The following ZSWIM6 variants were observed in gnomAD, a reference collection of about 807,000 sequenced individuals.
ZSWIM6 encodes the protein zinc finger SWIM domain-containing protein 6.
ZSWIM6 carries 9 observed loss-of-function variants against 113.2 expected under a neutral mutation model. The observed-to-expected ratio is 0.08, with a 90% confidence interval of 0.05 to 0.14. The LOEUF (loss-of-function observed/expected upper bound fraction) is 0.14, where lower values mean the gene tolerates loss of function less well. ZSWIM6 is among the 10% of genes least tolerant of loss of function. ZSWIM6 has a pLI of 1.00. For missense variants in ZSWIM6, 1,162 were observed against 1,552.2 expected (o/e 0.75, Z 4.22); for synonymous variants, 611 against 606.5 (o/e 1.01, Z -0.11).
chr5:61,483,913 A>G (rs1200840519), intron 2 of ZSWIM6, among the ~76,000 whole-genome samples: 2 of 150,902 alleles, frequency 1.3e-5, no homozygotes, highest in African/African-American at 4.8e-5. Context: ...TAAAATAAAT[A>G]TATATATAAA....
intron 1 of ZSWIM6, among the ~76,000 whole-genome samples, chr5:61,445,919 C>T (rs991435440): frequency 6.6e-6 from 1 of 152,054 alleles, no homozygotes; most frequent in South Asian, 2.1e-4. Flanking sequence ...TATTTAAATC[C>T]ACCAGTAACA....
chr5:61,482,969 A>G (rs893529208), intron 2 of ZSWIM6, among the ~76,000 whole-genome samples: 10 of 152,158 alleles, frequency 6.6e-5, no homozygotes, highest in African/African-American at 2.4e-4. Flanking sequence ...AGTTAATTCT[A>G]ATACTAGCTT....
chr5:61,473,735 T>TAA (rs1747637895), intron 2 of ZSWIM6, among the ~76,000 whole-genome samples: 1 of 152,206 alleles, frequency 6.6e-6, no homozygotes, highest in South Asian at 2.1e-4. Context: ...CTTGTGCTTT[T>TAA]AAAACATTTG....
At chr5:61,352,122 G>C (rs1003627912) in intron 1 of ZSWIM6, among the ~76,000 whole-genome samples, 1 of 152,162 alleles carries the variant, frequency 6.6e-6, no homozygotes, top group African/African-American at 2.4e-5. Context: ...ATGTGTCTAG[G>C]CTGCCCTGCT....
intron 1 of ZSWIM6, among the ~76,000 whole-genome samples, chr5:61,440,360 TAAAAAAAAA>T (rs11356012): frequency 8.8e-6 from 1 of 113,094 alleles, no homozygotes; most frequent in Non-Finnish European, 1.8e-5. Flanking sequence ...TTCATTGGTG[TAAAAAAAAA>T]AAAAAAAAAA....
In ZSWIM6 at chr5:61,494,342, G is replaced by C; in HGVS notation, c.1265G>C (p.Arg422Pro). 6.4e-7 allele frequency: 1 copy of C among 1,551,110 alleles called. No individual in the cohort carries two copies. Among genetic ancestry groups the C allele is most frequent in the South Asian group, 1.2e-5 (1 of 84,050 alleles). The change falls in exon 4 of 14, where the codon CGC becomes CCC. Residue 422 changes from arginine (R) to proline (P), a missense_variant. By Grantham distance (103) the Arg-to-Pro change is moderately radical. Coordinates refer to ENST00000252744, the MANE Select transcript of ZSWIM6 (RefSeq NM_020928.2). ...ACAGAGCAATTCATGGCTGACCCTC[G>C]CCTGTCACTTTGGCGGCAACAAGGC... ...LITEQFMADPRLSLWRQQGTA... is the reference protein window; with the variant it reads ...LITEQFMADPPLSLWRQQGTA...
At chr5:61,337,274 G>A (rs1479302405) in intron 1 of ZSWIM6, among the ~76,000 whole-genome samples, 1 of 139,784 alleles carries the variant, frequency 7.2e-6, no homozygotes, top group South Asian at 2.4e-4. Context: ...GCGAGATTCC[G>A]TCTCCCCCCC....
chr5:61,343,168 G>C (rs558560228), intron 1 of ZSWIM6, among the ~76,000 whole-genome samples: 1 of 152,310 alleles, frequency 6.6e-6, no homozygotes, highest in Admixed American at 6.5e-5. Context: ...GGTTTTATCT[G>C]TGCAATTCCT....
chr5:61,458,809 C>T (rs985385901), intron 1 of ZSWIM6, among the ~76,000 whole-genome samples: 1 of 149,190 alleles, frequency 6.7e-6, no homozygotes, highest in Non-Finnish European at 1.5e-5. Context: ...ACCCATGAGG[C>T]GGGGGCTACA....
chr5:61,401,109 C>G (rs1240632137), intron 1 of ZSWIM6, among the ~76,000 whole-genome samples: 1 of 151,956 alleles, frequency 6.6e-6, no homozygotes, highest in Non-Finnish European at 1.5e-5. Context: ...ATTATGTTCT[C>G]GTTAGCTTTT....
chr5:61,530,243 C>G, intron 8 of ZSWIM6, 45 bp downstream of exon 8: 1 of 1,508,748 alleles, frequency 6.6e-7, no homozygotes, highest in Non-Finnish European at 8.9e-7. Context: ...TTTTTCTAAA[C>G]CCTGAATGGC....
chr5:61,470,117 G>T lies in ZSWIM6; in HGVS notation c.677-2564G>T, dbSNP rs1308578318. On this transcript the variant is annotated intron_variant, in intron 1 of 13. Coordinates refer to ENST00000252744, the MANE Select transcript of ZSWIM6 (RefSeq NM_020928.2). Reference sequence around the variant, plus strand: ...ATTGTCTTGGCTTTGCCTGTAATTAGAATAGTTCTCCATCTTCAAGGTGTG... The same window carrying T: ...ATTGTCTTGGCTTTGCCTGTAATTATAATAGTTCTCCATCTTCAAGGTGTG... Among the ~76,000 whole-genome samples, 3 of 152,296 alleles carry T rather than the reference G, an allele frequency of 2.0e-5. No individual in the cohort carries two copies. In the South Asian group the frequency reaches 6.2e-4, roughly 32 times the overall value.
At chr5:61,509,721 A>G (rs1748728496) in intron 4 of ZSWIM6, among the ~76,000 whole-genome samples, 1 of 152,192 alleles carries the variant, frequency 6.6e-6, no homozygotes, top group Non-Finnish European at 1.5e-5. Context: ...GAAAAGGAGA[A>G]ATTGAAATGT....
chr5:61,484,495 A>G (rs1747962799), intron 2 of ZSWIM6, among the ~76,000 whole-genome samples: 1 of 152,216 alleles, frequency 6.6e-6, no homozygotes, highest in South Asian at 2.1e-4. Flanking sequence ...GTTGGGAAGA[A>G]TTTAAAAATA....
intron 1 of ZSWIM6, among the ~76,000 whole-genome samples, chr5:61,363,923 C>T (rs1447532424): frequency 1.3e-5 from 2 of 148,840 alleles, no homozygotes; most frequent in Non-Finnish European, 3.0e-5. Context: ...CATTCTTCCT[C>T]CCTCCCTCTT....
In ZSWIM6 at chr5:61,332,931, A is replaced by T; in HGVS notation, c.659A>T (p.Asp220Val). ...GIALLESGCV[D>V]NVLQVGFHLS... The stretch of plus-strand genomic sequence containing the variant: ...GCGCTGTTGGAAAGCGGCTGCGTAG[A>T]CAACGTCCTGCAAGTCGGTGAGTCA... The change falls in exon 1 of 14, where the codon GAC becomes GTC. Residue 220 changes from aspartate (D) to valine (V), a missense_variant. Asp to Val is a radical substitution (Grantham distance 152). This residue lies in a region of ZSWIM6 where 333 missense variants were observed against 293.4 expected (regional missense o/e 1.13). Coordinates refer to ENST00000252744, the MANE Select transcript of ZSWIM6 (RefSeq NM_020928.2). The T allele has an allele frequency of 1.5e-6, 2 of 1,341,442 alleles. No individual in the cohort carries two copies. Among genetic ancestry groups the T allele is most frequent in the Non-Finnish European group, 1.9e-6 (2 of 1,034,488 alleles). The allele number at this position is 1,341,442 out of a possible 1,614,324, so 83.1% of individuals were successfully genotyped here.
intron 1 of ZSWIM6, among the ~76,000 whole-genome samples, chr5:61,419,696 C>G (rs1388756084): frequency 1.3e-5 from 2 of 152,176 alleles, no homozygotes; most frequent in African/African-American, 2.4e-5. Context: ...CAGCACTGGT[C>G]TAGAATATCA....
chr5:61,417,070 A>G (rs1213307399), intron 1 of ZSWIM6, among the ~76,000 whole-genome samples: 1 of 151,978 alleles, frequency 6.6e-6, no homozygotes, highest in Non-Finnish European at 1.5e-5. Context: ...TGAACCCGGG[A>G]GGTGGAGGTT....
intron 1 of ZSWIM6, among the ~76,000 whole-genome samples, chr5:61,440,751 G>C (rs1240412946): frequency 1.3e-5 from 2 of 152,166 alleles, no homozygotes; most frequent in Admixed American, 1.3e-4. Context: ...TTGAGTGAAA[G>C]GGGAATTTTC....
Sources: gnomAD v4.1 joint callset for allele counts (sites outside exome capture counted in the v4.1 genomes callset) on GRCh38, gnomAD v4.1.1 for gene constraint, gnomAD v4.1.1 regional missense constraint, MANE v1.5 for transcripts, NCBI Gene and HGNC (gene_info 2026-07-23, HGNC 2026-07-21) for gene names.